ERAP2: variants seen among roughly 807,000 people sequenced by gnomAD.
The protein encoded by ERAP2 is leukocyte-derived arginine aminopeptidase.
ERAP2 carries 118 observed loss-of-function variants against 111.1 expected under a neutral mutation model. The observed-to-expected ratio is 1.06, with a 90% confidence interval of 0.92 to 1.24. The LOEUF (loss-of-function observed/expected upper bound fraction) is 1.24. Ranked by LOEUF, ERAP2 falls within the 50% of genes most tolerant of loss-of-function variation. ERAP2 has a pLI of 0.00. For missense variants in ERAP2, 1,131 were observed against 1,125.8 expected (o/e 1.00, Z -0.07); for synonymous variants, 410 against 401.2 (o/e 1.02, Z -0.26).
chr5:96,904,060 A>G (rs1018102296), intron 13 of ERAP2, among the ~76,000 whole-genome samples: 1 of 152,228 alleles, frequency 6.6e-6, no homozygotes, highest in African/African-American at 2.4e-5. Context: ...GAAAAGTACA[A>G]ATATAGTCTT....
Position 96,913,322 on chromosome 5 carries a change from T to A in ERAP2, c.2522T>A (p.Ile841Asn). The A allele has an allele frequency of 6.2e-7, 1 of 1,613,720 alleles. No homozygotes were observed. Among genetic ancestry groups the A allele is most frequent in the Non-Finnish European group, 8.5e-7 (1 of 1,179,760 alleles). Reference protein sequence around the residue: ...SKHQEKLLKLIELGMEGKVIK... With the variant: ...SKHQEKLLKLNELGMEGKVIK... ...AATTATTTTTCTTTCTTCAGGTTAA[T>A]TGAACTAGGAATGGAAGGAAAGGTT... The change falls in exon 17 of 19, where the codon ATT becomes AAT. Residue 841 changes from isoleucine (I) to asparagine (N), a missense_variant. This residue lies in a region of ERAP2 where 279 missense variants were observed against 250.9 expected (regional missense o/e 1.11). Coordinates refer to ENST00000437043, the MANE Select transcript of ERAP2 (RefSeq NM_022350.5).
chr5:96,891,205 A>C (rs1784310570), intron 5 of ERAP2, among the ~76,000 whole-genome samples: 2 of 152,104 alleles, frequency 1.3e-5, no homozygotes, highest in Admixed American at 6.5e-5. Context: ...AACTTTTAAA[A>C]AATTATCTTT....
intron 15 of ERAP2, among the ~76,000 whole-genome samples, chr5:96,910,935 C>T (rs1178386309): frequency 6.6e-6 from 1 of 152,150 alleles, no homozygotes; most frequent in Non-Finnish European, 1.5e-5. Flanking sequence ...CTTCAAGAAG[C>T]TTACAATGTG....
At chr5:96,912,833 A>C in intron 16 of ERAP2, 35 bp downstream of exon 16, 1 of 1,537,658 alleles carries the variant, frequency 6.5e-7, no homozygotes, top group Non-Finnish European at 8.8e-7. Flanking sequence ...TGTTATAAGT[A>C]AACTGACACA....
chr5:96,915,224 G>A (rs2548521), intron 17 of ERAP2, among the ~76,000 whole-genome samples: 82,247 of 151,738 alleles, frequency 0.54, 22,351 homozygotes, highest in Admixed American at 0.59. Context: ...GGTCAGGCAG[G>A]TCTCAAACTC....
chr5:96,900,326 C>T, intron 10 of ERAP2, 137 bp downstream of exon 10: 10 of 1,342,576 alleles, frequency 7.4e-6, no homozygotes, highest in Admixed American at 2.6e-5. Flanking sequence ...TTCTCTAAAA[C>T]AAAACTGAAG....
At chr5:96,899,283 GAAA>G (rs1561382539) in intron 9 of ERAP2, among the ~76,000 whole-genome samples, 3 of 152,130 alleles carry the variant, frequency 2.0e-5, no homozygotes, top group Non-Finnish European at 4.4e-5. Flanking sequence ...CTAGTTTTAA[GAAA>G]AGTCCCCCAT....
At position 96,914,148 on chromosome 5, in the gene ERAP2, T is replaced by TCACACACACACA. The variant is rs1554061288; in HGVS notation, c.2657+700_2657+711dup. Among the ~76,000 whole-genome samples the TCACACACACACA allele has an allele frequency of 2.8e-4, 41 of 148,080 alleles. No individual in the cohort carries two copies. The East Asian group carries it at 3.4e-3, about 12-fold the overall frequency. ...CTTTCTGTCTCTCTCTCTCTCTCTCTCACACACACACACACACACAATCAC... is the reference window on the plus strand; with the variant it reads ...CTTTCTGTCTCTCTCTCTCTCTCTCTCACACACACACACACACACACACACACACACAATCAC... On this transcript the variant is annotated intron_variant, in intron 17 of 18. Coordinates refer to ENST00000437043, the MANE Select transcript of ERAP2 (RefSeq NM_022350.5).
intron 2 of ERAP2, among the ~76,000 whole-genome samples, chr5:96,883,028 A>G (rs987487752): frequency 5.3e-5 from 8 of 152,138 alleles, no homozygotes; most frequent in Non-Finnish European, 1.0e-4. Context: ...ATCAGAGTAT[A>G]TATCTATTAT....
At chr5:96,902,005 G>C (rs1466910645) in intron 11 of ERAP2, among the ~76,000 whole-genome samples, 1 of 152,152 alleles carries the variant, frequency 6.6e-6, no homozygotes, top group Non-Finnish European at 1.5e-5. Flanking sequence ...AAATTGTTAT[G>C]GTATGAGATT....
rs1341196371 is a variant in ERAP2, at chr5:96,918,243, A to C, written c.*638A>C. The C allele has an allele frequency of 6.6e-6, 1 of 152,368 alleles. No individual in the cohort carries two copies. The highest frequency in any genetic ancestry group is 1.5e-5 in the Non-Finnish European group (1 of 68,050). 9.4% of individuals were successfully genotyped at this position (152,368 alleles called of 1,614,324 possible). A position where few individuals can be genotyped will look rare whatever the true frequency, so the allele number is the denominator to read the frequency against. ...AGCTGTAATTATTTAGCCTCAAGTG[A>C]CTTTCTCCATTGCTTCACGCTATGC... On this transcript the variant is annotated 3_prime_UTR_variant, in exon 19 of 19. Transcript: ENST00000437043.
intron 16 of ERAP2, among the ~76,000 whole-genome samples, chr5:96,913,053 T>G (rs1301027205): frequency 6.6e-6 from 1 of 152,190 alleles, no homozygotes; most frequent in Admixed American, 6.5e-5. Context: ...GAAAAATTAT[T>G]GTTGTAAAAA....
In ERAP2 at chr5:96,912,637, T is replaced by C. The variant is rs1425028809; in HGVS notation, c.2355T>C (p.Asn785=). ...TTCATTTTTATGCTTGATATTACAG[T>C]ATACCAACAGATGTTTTAAAGATTG... ...SQWMESSGKL[N]IPTDVLKIVY... The change falls in exon 16 of 19, where the codon AAT becomes AAC. Residue 785 remains asparagine (N), a splice_region_variant and synonymous_variant. Transcript: ENST00000437043. 1.2e-6 allele frequency: 2 copies of C among 1,603,722 alleles called. No individual in the cohort carries two copies. Among genetic ancestry groups the C allele is most frequent in the Non-Finnish European group, 1.7e-6 (2 of 1,177,276 alleles).
intron 13 of ERAP2, among the ~76,000 whole-genome samples, chr5:96,908,520 G>A (rs1786352804): frequency 6.6e-6 from 1 of 152,196 alleles, no homozygotes; most frequent in Non-Finnish European, 1.5e-5. Context: ...TGTCCTCAAA[G>A]TTCCCAATGT....
In ERAP2 at chr5:96,917,630, G is replaced by A. The variant is rs1328527684; in HGVS notation, c.*25G>A. On this transcript the variant is annotated 3_prime_UTR_variant, in exon 19 of 19. Coordinates refer to ENST00000437043, the MANE Select transcript of ERAP2 (RefSeq NM_022350.5). ...AATGGTCAATAGAAAAAGTAGGCTG[G>A]GCGCGGTGGCTCACGCCTGTAATCC... The A allele has an allele frequency of 6.3e-7, 1 of 1,597,482 alleles. No homozygotes were observed. Among genetic ancestry groups the A allele is most frequent in the African/African-American group, 1.3e-5 (1 of 74,254 alleles).
rs1787309272 is a variant in ERAP2, at chr5:96,915,711, T to C, written c.2681T>C (p.Ile894Thr). 1.3e-6 allele frequency: 2 copies of C among 1,593,716 alleles called. No individual in the cohort carries two copies. Among genetic ancestry groups the C allele is most frequent in the Non-Finnish European group, 1.7e-6 (2 of 1,170,956 alleles). ...LKKFDLGSYD[I>T]RMIISGTTAH... ...AGATTTGACTTGGGCTCATATGACA[T>C]AAGGATGATCATCTCTGGCACAACA... The change falls in exon 18 of 19, where the codon ATA (isoleucine) becomes ACA (threonine). Residue 894 changes from isoleucine (I) to threonine (T), a missense_variant. This residue lies in a region of ERAP2 where 279 missense variants were observed against 250.9 expected (regional missense o/e 1.11). Coordinates refer to ENST00000437043, the MANE Select transcript of ERAP2 (RefSeq NM_022350.5).
At chr5:96,913,566 A>G in intron 17 of ERAP2, 109 bp downstream of exon 17, 1 of 1,299,944 alleles carries the variant, frequency 7.7e-7, no homozygotes, top group Non-Finnish European at 1.1e-6. Context: ...TACCATTTGT[A>G]TCCAAATAGT....
chr5:96,886,614 TC>T (rs1301149093), intron 3 of ERAP2, 40 bp from the exon 4 acceptor site: 2 of 1,451,000 alleles, frequency 1.4e-6, no homozygotes, highest in Non-Finnish European at 1.9e-6. Context: ...TATGAAATAC[TC>T]CAGTTTTCAA....
At chr5:96,912,903 C>A in intron 16 of ERAP2, 105 bp downstream of exon 16, 1 of 887,112 alleles carries the variant, frequency 1.1e-6, no homozygotes, top group South Asian at 1.6e-5. Flanking sequence ...ATAATTGAAT[C>A]AGAATGTGTA....
Sources: allele counts gnomAD v4.1 joint callset (sites outside exome capture counted in the v4.1 genomes callset), GRCh38; gene constraint gnomAD v4.1.1; regional missense constraint gnomAD v4.1.1; transcripts MANE v1.5; gene names NCBI Gene and HGNC (gene_info 2026-07-23, HGNC 2026-07-21).